The following ARIH1 variants were observed in gnomAD, a reference collection of about 807,000 sequenced individuals.
The protein encoded by ARIH1 is E3 ubiquitin-protein ligase ARIH1.
In ARIH1, 8 loss-of-function variants were observed where a neutral mutation model predicts 85.0. That is an observed-to-expected ratio of 0.09 (90% CI 0.06 to 0.17). The LOEUF (loss-of-function observed/expected upper bound fraction) is 0.17, where lower values mean the gene tolerates loss of function less well. Ranked by LOEUF, ARIH1 falls within the 10% of genes least tolerant of loss-of-function variation. ARIH1 has a pLI of 1.00. For synonymous variants in ARIH1, 238 were observed against 253.6 expected (o/e 0.94, Z 0.59); for missense variants, 311 against 718.1 (o/e 0.43, Z 6.48).
rs1248176799 is a variant in ARIH1, at chr15:72,588,067, AC to A, written c.*4777del. 1 of 152,212 alleles carries A rather than the reference AC, an allele frequency of 6.6e-6. No homozygotes were observed. Among genetic ancestry groups the A allele is most frequent in the Non-Finnish European group, 1.5e-5 (1 of 68,030 alleles). 9.4% of individuals were successfully genotyped at this position (152,212 alleles called of 1,614,324 possible). A position where few individuals can be genotyped will look rare whatever the true frequency, so the allele number is the denominator to read the frequency against. ...ATTGATATGTAGCAGCTCTATCAATACCACAACAACCTTATTACCATAGTAA... is the reference window on the plus strand; with the variant it reads ...ATTGATATGTAGCAGCTCTATCAATACACAACAACCTTATTACCATAGTAA... On this transcript the variant is annotated 3_prime_UTR_variant, in exon 14 of 14. Coordinates refer to ENST00000379887, the MANE Select transcript of ARIH1 (RefSeq NM_005744.5).
chr15:72,597,075 G>A lies in ARIH1; in HGVS notation c.*13783G>A, dbSNP rs1213224474. 2 of 150,254 alleles carry A rather than the reference G, an allele frequency of 1.3e-5. No individual in the cohort carries two copies. Among genetic ancestry groups the A allele is most frequent in the African/African-American group, 2.5e-5 (1 of 40,750 alleles). 9.3% of individuals were successfully genotyped at this position (150,254 alleles called of 1,614,324 possible). A position where few individuals can be genotyped will look rare whatever the true frequency, so the allele number is the denominator to read the frequency against. ...GAATCTTATTTTCTTGCTTTTGCAC[G>A]TCTTGTATATTTGATTGGATGATGG... On this transcript the variant is annotated 3_prime_UTR_variant, in exon 14 of 14. Transcript: ENST00000379887.
chr15:72,499,442 C>T (rs1375761989), intron 1 of ARIH1, among the ~76,000 whole-genome samples: 1 of 151,944 alleles, frequency 6.6e-6, no homozygotes, highest in Admixed American at 6.6e-5. Context: ...CCTTTTTCTT[C>T]CTCCATCCTT....
Position 72,534,959 on chromosome 15 carries a change from C to CTTTTTTTTTTTTTTGTTTTT in ARIH1, c.444-9850_444-9849insTTTGTTTTTTTTTTTTTTTT, listed in dbSNP as rs59841210. Among the ~76,000 whole-genome samples the CTTTTTTTTTTTTTTGTTTTT allele has an allele frequency of 2.7e-5, 2 of 73,806 alleles. 1 individual carries two copies. Among genetic ancestry groups the CTTTTTTTTTTTTTTGTTTTT allele is most frequent in the Non-Finnish European group, 7.0e-5 (2 of 28,460 alleles). 48.4% of individuals were successfully genotyped at this position (73,806 alleles called of 152,430 possible). Reference sequence around the variant, plus strand: ...CCTATGTCTTCTTATTGTCTGTATTCTTTTTTTTTTTGAGACGGAGTCTCG... The same window carrying CTTTTTTTTTTTTTTGTTTTT: ...CCTATGTCTTCTTATTGTCTGTATTCTTTTTTTTTTTTTTGTTTTTTTTTTTTTTTTGAGACGGAGTCTCG... On this transcript the variant is annotated intron_variant, in intron 2 of 13. Coordinates refer to ENST00000379887, the MANE Select transcript of ARIH1 (RefSeq NM_005744.5).
chr15:72,524,496 G>T (rs985667036), intron 2 of ARIH1, among the ~76,000 whole-genome samples: 1 of 152,198 alleles, frequency 6.6e-6, no homozygotes, highest in African/African-American at 2.4e-5. Flanking sequence ...GAGCCACTGC[G>T]CCAGCCCAAG....
intron 6 of ARIH1, among the ~76,000 whole-genome samples, chr15:72,562,681 T>C (rs1425326908): frequency 6.6e-6 from 1 of 152,034 alleles, no homozygotes; most frequent in African/African-American, 2.4e-5. Flanking sequence ...TCTTGAACTA[T>C]TCTGTAGCTT....
intron 2 of ARIH1, among the ~76,000 whole-genome samples, chr15:72,532,260 G>A (rs1275126536): frequency 2.7e-5 from 4 of 150,938 alleles, no homozygotes; most frequent in African/African-American, 9.7e-5. Context: ...TGAAAACAGA[G>A]TATCACTAGG....
chr15:72,496,694 C>A, intron 1 of ARIH1: 1 of 529,718 alleles, frequency 1.9e-6, no homozygotes, highest in Non-Finnish European at 2.4e-6. Context: ...TGGTTTTCCC[C>A]ACCCCTTTAT....
At chr15:72,576,524 A>C (rs1003538984) in intron 11 of ARIH1, among the ~76,000 whole-genome samples, 1 of 151,638 alleles carries the variant, frequency 6.6e-6, no homozygotes, top group African/African-American at 2.4e-5. Context: ...AAAAAAAAAA[A>C]AAAAAACCCT....
chr15:72,537,531 A>G (rs768562369), intron 2 of ARIH1, among the ~76,000 whole-genome samples: 5 of 152,184 alleles, frequency 3.3e-5, no homozygotes, highest in Middle Eastern at 3.2e-3. Context: ...GTTTTAAGAC[A>G]GTCATCTTCA....
chr15:72,565,349 C>T (rs937417048), intron 7 of ARIH1, among the ~76,000 whole-genome samples: 14 of 152,148 alleles, frequency 9.2e-5, no homozygotes, highest in Admixed American at 7.2e-4. Flanking sequence ...CTCGGCCCTC[C>T]CTAAGTGCTG....
intron 1 of ARIH1, among the ~76,000 whole-genome samples, chr15:72,504,721 G>T (rs529900242): frequency 6.6e-6 from 1 of 152,306 alleles, no homozygotes; most frequent in Admixed American, 6.5e-5. Flanking sequence ...GCAGACGGAA[G>T]TTCTCATTTT....
At chr15:72,504,960 C>A (rs947687529) in intron 1 of ARIH1, among the ~76,000 whole-genome samples, 7 of 152,130 alleles carry the variant, frequency 4.6e-5, no homozygotes, top group African/African-American at 1.7e-4. Context: ...AAAAACTATA[C>A]CTGAATTACA....
Position 72,583,399 on chromosome 15 carries a change from C to T in ARIH1, c.*107C>T. The T allele has an allele frequency of 1.3e-6, 1 of 791,626 alleles. No individual in the cohort carries two copies. Among genetic ancestry groups the T allele is most frequent in the Admixed American group, 2.3e-5 (1 of 42,588 alleles). The allele number at this position is 791,626 out of a possible 1,614,324, so 49.0% of individuals were successfully genotyped here. A position where few individuals can be genotyped will look rare whatever the true frequency, so the allele number is the denominator to read the frequency against. ...GGAGGCACTAAGCCTATTCTGACAC[C>T]ACTGGTCTGTAGTACCAGAATTGTT... On this transcript the variant is annotated 3_prime_UTR_variant, in exon 14 of 14. Coordinates refer to ENST00000379887, the MANE Select transcript of ARIH1 (RefSeq NM_005744.5).
chr15:72,527,254 G>A (rs1364626921), intron 2 of ARIH1, among the ~76,000 whole-genome samples: 1 of 152,152 alleles, frequency 6.6e-6, no homozygotes, highest in Admixed American at 6.5e-5. Flanking sequence ...TTTAGTGGAG[G>A]CACTGTTGCT....
At chr15:72,521,212 CCT>C (rs1394063356) in intron 2 of ARIH1, among the ~76,000 whole-genome samples, 4 of 78,082 alleles carry the variant, frequency 5.1e-5, no homozygotes, top group East Asian at 8.9e-4. Flanking sequence ...CCCCCCCCCC[CCT>C]TTTCTGGCTA....
At position 72,586,809 on chromosome 15, in the gene ARIH1, A is replaced by T. The variant is rs1258679434; in HGVS notation, c.*3517A>T. On this transcript the variant is annotated 3_prime_UTR_variant, in exon 14 of 14. Coordinates refer to ENST00000379887, the MANE Select transcript of ARIH1 (RefSeq NM_005744.5). The stretch of plus-strand genomic sequence containing the variant: ...TTGAATTTAAATTGTTTGTGTTGTA[A>T]CAGTGATACAAAAATGTTCAATAGC... 1 of 157,032 alleles carries T rather than the reference A, an allele frequency of 6.4e-6. No individual in the cohort carries two copies. The highest frequency in any genetic ancestry group is 1.9e-4 in the East Asian group (1 of 5,242). 9.7% of individuals were successfully genotyped at this position (157,032 alleles called of 1,614,324 possible).
chr15:72,569,263 G>A (rs2064233490), intron 9 of ARIH1, among the ~76,000 whole-genome samples: 1 of 152,130 alleles, frequency 6.6e-6, no homozygotes, highest in Non-Finnish European at 1.5e-5. Flanking sequence ...AGCCATGATT[G>A]CACTGCTGCA....
chr15:72,525,092 T>C (rs2064021411), intron 2 of ARIH1, among the ~76,000 whole-genome samples: 1 of 152,166 alleles, frequency 6.6e-6, no homozygotes, highest in African/African-American at 2.4e-5. Context: ...GGTTTCATCA[T>C]GTTGGCCAGG....
chr15:72,516,801 T>C (rs1477989558), intron 1 of ARIH1, among the ~76,000 whole-genome samples: 1 of 152,248 alleles, frequency 6.6e-6, no homozygotes, highest in Non-Finnish European at 1.5e-5. Flanking sequence ...ACTTTAAATC[T>C]GTAGCTAACT....
Sources: allele counts gnomAD v4.1 joint callset (sites outside exome capture counted in the v4.1 genomes callset), GRCh38; gene constraint gnomAD v4.1.1; transcripts MANE v1.5; gene names NCBI Gene and HGNC (gene_info 2026-07-23, HGNC 2026-07-21).